RHOH: variants seen among roughly 807,000 people sequenced by gnomAD.
The protein encoded by RHOH is rho-related GTP-binding protein RhoH.
In RHOH, 6 loss-of-function variants were observed where a neutral mutation model predicts 13.8. That is an observed-to-expected ratio of 0.44 (90% CI 0.24 to 0.86). RHOH has a LOEUF of 0.86. Among genes scored for constraint, RHOH ranks in the 40% least tolerant of loss-of-function variants. The pLI is 0.24. For missense variants in RHOH, 147 were observed against 244.5 expected (o/e 0.60, Z 2.66); for synonymous variants, 117 against 103.0 (o/e 1.14, Z -0.82).
intron 1 of RHOH, among the ~76,000 whole-genome samples, chr4:40,221,493 G>A (rs1726569539): frequency 6.6e-6 from 1 of 151,984 alleles, no homozygotes; most frequent in African/African-American, 2.4e-5. Context: ...TAATTCAAAC[G>A]TTTTCATTAT....
intron 1 of RHOH, among the ~76,000 whole-genome samples, chr4:40,225,761 G>T (rs1727149854): frequency 6.6e-6 from 1 of 152,166 alleles, no homozygotes; most frequent in Non-Finnish European, 1.5e-5. Flanking sequence ...ACTGTTTTAG[G>T]ATTGCTCAGT....
At chr4:40,195,502 C>A (rs1322296431), upstream of RHOH, among the ~76,000 whole-genome samples, 1 of 151,430 alleles carries the variant, frequency 6.6e-6, no homozygotes, top group Non-Finnish European at 1.5e-5. Context: ...TTGCTGTGTC[C>A]CCAGGCTGGA....
At chr4:40,200,294 C>T (rs1292200847) in intron 1 of RHOH, 1 of 152,234 alleles carries the variant, frequency 6.6e-6, no homozygotes, top group African/African-American at 2.4e-5. Context: ...CATACTGTTC[C>T]CCGGATGTGG....
upstream of RHOH, among the ~76,000 whole-genome samples, chr4:40,192,431 A>G (rs1317635): frequency 0.11 from 16,852 of 152,276 alleles, 1,434 homozygotes; most frequent in East Asian, 0.43. Flanking sequence ...AATTTAGTAG[A>G]TGACTCAAGT....
At chr4:40,236,058 CTTTG>C (rs368375627) in intron 1 of RHOH, among the ~76,000 whole-genome samples, 40 of 151,228 alleles carry the variant, frequency 2.6e-4, no homozygotes, top group African/African-American at 7.8e-4. Flanking sequence ...TAGAAAACAA[CTTTG>C]TTTGAGATGC....
At chr4:40,240,356 A>C (rs1177762985) in intron 1 of RHOH, 1 of 152,240 alleles carries the variant, frequency 6.6e-6, no homozygotes, top group Non-Finnish European at 1.5e-5. Flanking sequence ...GTGAGTGCTC[A>C]TAGTCCTAGC....
At chr4:40,198,483 C>A (rs755980591) in intron 1 of RHOH, among the ~76,000 whole-genome samples, 1 of 152,242 alleles carries the variant, frequency 6.6e-6, no homozygotes, top group Non-Finnish European at 1.5e-5. Context: ...TTCTGCCCTG[C>A]GGCTGCGCTT....
At chr4:40,229,073 G>A (rs1274604469) in intron 1 of RHOH, among the ~76,000 whole-genome samples, 1 of 152,070 alleles carries the variant, frequency 6.6e-6, no homozygotes, top group Non-Finnish European at 1.5e-5. Context: ...AATAGATAGT[G>A]ATGTCTTACT....
intron 1 of RHOH, among the ~76,000 whole-genome samples, chr4:40,201,232 G>T (rs1285284178): frequency 6.6e-6 from 1 of 152,054 alleles, no homozygotes; most frequent in East Asian, 1.9e-4. Flanking sequence ...AACCCGGACA[G>T]GTGTTAGATG....
In RHOH at chr4:40,230,622, G is replaced by T. The variant is rs140507800; in HGVS notation, c.-330-12092G>T. 9.7e-3 allele frequency among the ~76,000 whole-genome samples: 1,464 copies of T among 151,568 alleles called. 18 individuals are homozygous for T. Among genetic ancestry groups the T allele is most frequent in the African/African-American group, 0.034 (1,393 of 41,328 alleles). ...GATCCACCCCCCTTAGCCTCCCAAA[G>T]TGCTGGGATTACAGACGTGAGCCAC... is the stretch of plus-strand genomic sequence containing the variant. On this transcript the variant is annotated intron_variant, in intron 1 of 2. Transcript: ENST00000381799.
upstream of RHOH, among the ~76,000 whole-genome samples, chr4:40,195,950 A>G (rs986799212): frequency 6.6e-6 from 1 of 152,238 alleles, no homozygotes; most frequent in African/African-American, 2.4e-5. Flanking sequence ...TGCTGCAAGC[A>G]CAGTCATCTG....
At chr4:40,237,783 C>T (rs897924182) in intron 1 of RHOH, among the ~76,000 whole-genome samples, 3 of 152,030 alleles carry the variant, frequency 2.0e-5, no homozygotes, top group Non-Finnish European at 2.9e-5. Context: ...TGGCGATGGA[C>T]TCATATTTTT....
At chr4:40,197,856 T>C (rs1723406798) in intron 1 of RHOH, among the ~76,000 whole-genome samples, 2 of 152,294 alleles carry the variant, frequency 1.3e-5, no homozygotes, top group African/African-American at 2.4e-5. Flanking sequence ...GGTGGTTTGA[T>C]TTGGAGATAT....
At chr4:40,222,917 G>A (rs554772932) in intron 1 of RHOH, among the ~76,000 whole-genome samples, 1 of 152,346 alleles carries the variant, frequency 6.6e-6, no homozygotes, top group Non-Finnish European at 1.5e-5. Context: ...ATTAACTGGA[G>A]TTTGGAAGAA....
intron 1 of RHOH, among the ~76,000 whole-genome samples, chr4:40,222,757 A>G (rs1219002822): frequency 6.6e-6 from 1 of 152,272 alleles, no homozygotes; most frequent in African/African-American, 2.4e-5. Flanking sequence ...TTATTATTTA[A>G]GAATACATTT....
intron 1 of RHOH, among the ~76,000 whole-genome samples, chr4:40,203,818 A>G (rs944419486): frequency 2.0e-5 from 3 of 152,202 alleles, no homozygotes; most frequent in Admixed American, 6.5e-5. Context: ...TAGGGGAACT[A>G]TGAGCACAGA....
chr4:40,234,765 T>TTC (rs1728353579), intron 1 of RHOH, among the ~76,000 whole-genome samples: 1 of 94,308 alleles, frequency 1.1e-5, no homozygotes, highest in Non-Finnish European at 2.4e-5. Context: ...TTTTTTTTTT[T>TTC]TTTTTGTAGA....
At chr4:40,223,867 G>T (rs770297532) in intron 1 of RHOH, among the ~76,000 whole-genome samples, 5 of 149,352 alleles carry the variant, frequency 3.3e-5, no homozygotes, top group Non-Finnish European at 5.9e-5. Context: ...CTGCCTCCTG[G>T]GTTCAAGCAA....
chr4:40,193,224 C>T (rs75195950), upstream of RHOH: 1,186 of 152,450 alleles, frequency 7.8e-3, 14 homozygotes, highest in African/African-American at 0.027. Flanking sequence ...AGATGGCTTC[C>T]TGGAAGATGG....
Sources: allele counts gnomAD v4.1 joint callset (sites outside exome capture counted in the v4.1 genomes callset), GRCh38; gene constraint gnomAD v4.1.1; transcripts MANE v1.5; gene names NCBI Gene and HGNC (gene_info 2026-07-23, HGNC 2026-07-21).